Variants in DNAJC6 observed in about 807,000 individuals in gnomAD.
DNAJC6 encodes the protein auxilin.
A neutral mutation model predicts 110.0 loss-of-function variants in DNAJC6; 34 were observed. That is an observed-to-expected ratio of 0.31 (90% CI 0.24 to 0.41). The LOEUF is 0.41. DNAJC6 is among the 10% of genes least tolerant of loss of function. The probability of loss-of-function intolerance (pLI) is 1.00; values close to 1 mark genes in which losing one functional copy is unlikely to be tolerated. For missense variants in DNAJC6, 1,031 were observed against 1,207.8 expected (o/e 0.85, Z 2.17); for synonymous variants, 406 against 437.2 (o/e 0.93, Z 0.89).
intron 1 of DNAJC6, among the ~76,000 whole-genome samples, chr1:65,323,299 T>C (rs931158633): frequency 6.6e-6 from 1 of 152,198 alleles, no homozygotes; most frequent in Non-Finnish European, 1.5e-5. Flanking sequence ...GGGAGATGAT[T>C]GAATCATGGG....
At chr1:65,292,963 C>T (rs1462289626) in intron 1 of DNAJC6, among the ~76,000 whole-genome samples, 1 of 152,150 alleles carries the variant, frequency 6.6e-6, no homozygotes, top group African/African-American at 2.4e-5. Flanking sequence ...TCCATGTGGC[C>T]TCCCATCCTA....
chr1:65,366,333 A>T (rs1396347936), intron 4 of DNAJC6, 137 bp downstream of exon 4: 5 of 918,026 alleles, frequency 5.4e-6, no homozygotes, highest in Non-Finnish European at 8.2e-6. Context: ...TGTTCACAAA[A>T]TATTTATTAG....
At chr1:65,347,366 A>G (rs932862858) in intron 1 of DNAJC6, among the ~76,000 whole-genome samples, 3 of 150,690 alleles carry the variant, frequency 2.0e-5, no homozygotes, top group South Asian at 2.1e-4. Context: ...TGCAGTCTTT[A>G]TACGGCACAA....
At position 65,284,931 on chromosome 1, in the gene DNAJC6, G is replaced by A. The variant is rs558463743; in HGVS notation, c.-131+19999G>A. 1.4e-4 allele frequency among the ~76,000 whole-genome samples: 21 copies of A among 151,980 alleles called. 1 individual carries two copies. The highest frequency in any genetic ancestry group is 3.9e-4 in the East Asian group (2 of 5,154). On this transcript the variant is annotated intron_variant, in intron 1 of 19. Transcript: ENST00000263441. ...TCGAACTCCTGACCTCAGGTGATCC[G>A]CCCACCTCAGCCTCCCAAAGTGCTG...
At chr1:65,308,689 G>C (rs1027022759), upstream of DNAJC6, among the ~76,000 whole-genome samples, 2 of 152,064 alleles carry the variant, frequency 1.3e-5, no homozygotes, top group Non-Finnish European at 2.9e-5. Flanking sequence ...CTAGAGGATG[G>C]GGAAAAAAAA....
chr1:65,344,810 A>G (rs533548737), intron 1 of DNAJC6, among the ~76,000 whole-genome samples: 1 of 152,110 alleles, frequency 6.6e-6, no homozygotes, highest in Non-Finnish European at 1.5e-5. Flanking sequence ...CCAGGGAGGG[A>G]CCACATACCT....
At chr1:65,349,010 G>A (rs11208633) in intron 1 of DNAJC6, among the ~76,000 whole-genome samples, 103,548 of 143,676 alleles carry the variant, frequency 0.72, 38,620 homozygotes, top group African/African-American at 0.92. Context: ...ATATATATAA[G>A]TATATGTGAA....
intron 1 of DNAJC6, among the ~76,000 whole-genome samples, chr1:65,287,652 A>G (rs1276717943): frequency 1.3e-5 from 2 of 152,100 alleles, no homozygotes; most frequent in African/African-American, 4.8e-5. Context: ...CCCAGAATGG[A>G]GTACAGTGGC....
At chr1:65,351,601 G>T (rs1348234676) in intron 1 of DNAJC6, among the ~76,000 whole-genome samples, 1 of 152,164 alleles carries the variant, frequency 6.6e-6, no homozygotes, top group East Asian at 1.9e-4. Flanking sequence ...TGAGTGTGGT[G>T]TATGTGTATG....
At chr1:65,398,355 T>G (rs2101623501) in intron 13 of DNAJC6, among the ~76,000 whole-genome samples, 1 of 152,316 alleles carries the variant, frequency 6.6e-6, no homozygotes, top group East Asian at 1.9e-4. Flanking sequence ...TGGATTATGC[T>G]TCTATACTTA....
Position 65,387,747 on chromosome 1 carries a change from T to G in DNAJC6, c.1114-589T>G, listed in dbSNP as rs1235537022. ...TTTGGGATATTGCCATTTTTTGCTA[T>G]TAGGAATAATGTGGCAAGTAATTGT... On this transcript the variant is annotated intron_variant, in intron 8 of 18. Transcript: ENST00000371069. Among the ~76,000 whole-genome samples, 2 of 152,270 alleles carry G rather than the reference T, an allele frequency of 1.3e-5. 1 individual carries two copies. Among genetic ancestry groups the G allele is most frequent in the African/African-American group, 4.8e-5 (2 of 41,482 alleles).
At chr1:65,389,209 G>C in intron 9 of DNAJC6, 47 bp from the exon 10 acceptor site, 1 of 1,553,020 alleles carries the variant, frequency 6.4e-7, no homozygotes, top group Non-Finnish European at 8.8e-7. Context: ...CATCATACCA[G>C]TTCCATTGTT....
chr1:65,287,940 A>G (rs1338282600), intron 1 of DNAJC6, among the ~76,000 whole-genome samples: 1 of 152,208 alleles, frequency 6.6e-6, no homozygotes, highest in Non-Finnish European at 1.5e-5. Context: ...CATCCCATGA[A>G]GTGCTGGGAA....
intron 4 of DNAJC6, among the ~76,000 whole-genome samples, chr1:65,373,480 G>A (rs143326041): frequency 6.6e-6 from 1 of 152,180 alleles, no homozygotes; most frequent in African/African-American, 2.4e-5. Flanking sequence ...TATTTTAACT[G>A]AAGTGAGATG....
chr1:65,307,026 A>C (rs886961590), upstream of DNAJC6, among the ~76,000 whole-genome samples: 308 of 143,868 alleles, frequency 2.1e-3, 2 homozygotes, highest in Non-Finnish European at 3.8e-3. Context: ...CTCTATATAT[A>C]TATATATATA....
intron 1 of DNAJC6, among the ~76,000 whole-genome samples, chr1:65,348,992 A>G (rs1018845369): frequency 2.7e-5 from 4 of 145,724 alleles, no homozygotes; most frequent in Non-Finnish European, 4.5e-5. Flanking sequence ...ATATAAATAT[A>G]TATGTAAATA....
chr1:65,292,485 C>T (rs1056146535), intron 1 of DNAJC6, among the ~76,000 whole-genome samples: 3 of 151,906 alleles, frequency 2.0e-5, no homozygotes, highest in Non-Finnish European at 4.4e-5. Flanking sequence ...GGCTGGGGTG[C>T]AGTGGCATGA....
intron 1 of DNAJC6, among the ~76,000 whole-genome samples, chr1:65,271,018 GA>G (rs1167863110): frequency 1.3e-5 from 2 of 152,068 alleles, no homozygotes; most frequent in Non-Finnish European, 2.9e-5. Context: ...CTCTCAGCAG[GA>G]CAATCTTCCT....
intron 1 of DNAJC6, among the ~76,000 whole-genome samples, chr1:65,345,264 G>A (rs1057357189): frequency 9.3e-5 from 14 of 150,858 alleles, no homozygotes; most frequent in African/African-American, 3.4e-4. Context: ...GTGTGTGTGT[G>A]TGTATTTTGC....
Sources: gnomAD v4.1 joint callset for allele counts (sites outside exome capture counted in the v4.1 genomes callset) on GRCh38, gnomAD v4.1.1 for gene constraint, MANE v1.5 for transcripts, NCBI Gene and HGNC (gene_info 2026-07-23, HGNC 2026-07-21) for gene names.